RBM7: variants seen among roughly 807,000 people sequenced by gnomAD.
RBM7 encodes the protein RNA-binding protein 7.
RBM7 carries 13 observed loss-of-function variants against 31.0 expected under a neutral mutation model. The ratio of observed to expected loss-of-function variants is 0.42; its 90% CI spans 0.27 to 0.67. The LOEUF is 0.67. Ranked by LOEUF, RBM7 falls within the 30% of genes least tolerant of loss-of-function variation. The pLI is 0.24. For missense variants in RBM7, 245 were observed against 326.2 expected (o/e 0.75, Z 1.92); for synonymous variants, 106 against 111.2 (o/e 0.95, Z 0.30).
In RBM7 at chr11:114,409,230, A is replaced by G. The variant is rs1302182455; in HGVS notation, c.*1423A>G. 1.3e-5 allele frequency: 2 copies of G among 152,224 alleles called. No individual in the cohort carries two copies. Among genetic ancestry groups the G allele is most frequent in the Admixed American group, 1.3e-4 (2 of 15,284 alleles). The allele number at this position is 152,224 out of a possible 1,614,324, so 9.4% of individuals were successfully genotyped here. A position where few individuals can be genotyped will look rare whatever the true frequency, so the allele number is the denominator to read the frequency against. On this transcript the variant is annotated 3_prime_UTR_variant, in exon 5 of 5. Coordinates refer to ENST00000375490, the MANE Select transcript of RBM7 (RefSeq NM_001286045.2). ...AAATGTAGCTATTCAACTACTCACT[A>G]TAGAATTAAGATAAACAATTTGTTT...
At chr11:114,403,193 G>A (rs1946227213) in intron 3 of RBM7, among the ~76,000 whole-genome samples, 1 of 152,158 alleles carries the variant, frequency 6.6e-6, no homozygotes, top group Non-Finnish European at 1.5e-5. Flanking sequence ...TATGTGTACA[G>A]TACATGTATA....
intron 3 of RBM7, 139 bp downstream of exon 3, chr11:114,403,054 T>C: frequency 1.3e-6 from 1 of 742,598 alleles, no homozygotes; most frequent in South Asian, 1.7e-5. Context: ...TTTGGGGTTG[T>C]TGTTATGTAT....
chr11:114,407,713 T>C lies in RBM7; in HGVS notation c.710T>C (p.Phe237Ser). 1 of 1,614,048 alleles carries C rather than the reference T, an allele frequency of 6.2e-7. No homozygotes were observed. Among genetic ancestry groups the C allele is most frequent in the Non-Finnish European group, 8.5e-7 (1 of 1,179,942 alleles). The change falls in exon 5 of 5, where the codon TTC becomes TCC. Residue 237 changes from phenylalanine to serine, a missense_variant. By Grantham distance (155) the Phe-to-Ser change is radical. Transcript: ENST00000375490. ...HHYRGKRDDFFYEDRNHDDWS... is the reference protein window; with the variant it reads ...HHYRGKRDDFSYEDRNHDDWS... ...TACAGAGGAAAGAGAGATGATTTCTTCTATGAAGACAGGAATCATGATGAC... is the reference window on the plus strand; with the variant it reads ...TACAGAGGAAAGAGAGATGATTTCTCCTATGAAGACAGGAATCATGATGAC...
At chr11:114,402,994 G>A (rs1017513493) in intron 3 of RBM7, 79 bp downstream of exon 3, 2 of 1,172,806 alleles carry the variant, frequency 1.7e-6, no homozygotes, top group Non-Finnish European at 2.5e-6. Context: ...TGAGTAAATA[G>A]TCTCCTTCAT....
intron 3 of RBM7, 137 bp from the exon 4 acceptor site, chr11:114,405,569 A>G: frequency 2.1e-6 from 1 of 467,564 alleles, no homozygotes; most frequent in East Asian, 3.5e-5. Flanking sequence ...TGTTGTCTGT[A>G]TTCTTATTCT....
chr11:114,404,646 T>C (rs1946242319), intron 3 of RBM7, among the ~76,000 whole-genome samples: 1 of 151,732 alleles, frequency 6.6e-6, no homozygotes, highest in African/African-American at 2.4e-5. Flanking sequence ...GGGACTAGCC[T>C]AGGCAACATA....
Position 114,400,727 on chromosome 11 carries a change from C to G in RBM7, c.56C>G (p.Thr19Arg). 6.2e-7 allele frequency: 1 copy of G among 1,614,230 alleles called. No individual in the cohort carries two copies. Among genetic ancestry groups the G allele is most frequent in the Non-Finnish European group, 8.5e-7 (1 of 1,180,050 alleles). The change falls in exon 1 of 5, where the codon ACG (threonine) becomes AGG (arginine). Residue 19 changes from threonine (T) to arginine (R), a missense_variant. By Grantham distance (71) the Thr-to-Arg change is moderately conservative (BLOSUM62 -1). Coordinates refer to ENST00000375490, the MANE Select transcript of RBM7 (RefSeq NM_001286045.2). ...DRTLFVGNLE[T>R]KVTEELLFEL... ...ACTCTCTTTGTGGGCAACCTTGAAA[C>G]GAAAGTGACCGAGGAGCTCCTTTTC... is the stretch of plus-strand genomic sequence containing the variant.
rs1946314654 is a variant in RBM7 at position 114,409,781 on chromosome 11, A to G, written c.*1974A>G. On this transcript the variant is annotated 3_prime_UTR_variant, in exon 5 of 5. Transcript: ENST00000375490. ...ATGGCTTTTTGAGGGAAGCTTGTGA[A>G]GTTCTGGTGAATCTTCTTTTTCACT... 6.6e-6 allele frequency: 1 copy of G among 152,222 alleles called. No individual in the cohort carries two copies. Among genetic ancestry groups the G allele is most frequent in the African/African-American group, 2.4e-5 (1 of 41,456 alleles). The allele number at this position is 152,222 out of a possible 1,614,324, so 9.4% of individuals were successfully genotyped here.
At position 114,405,773 on chromosome 11, in the gene RBM7, C is replaced by T; in HGVS notation, c.415C>T (p.Pro139Ser). The part of the protein sequence containing the change: ...AQIIQRSFSS[P>S]ENFQRQAVMN... ...GATAATTCAGAGATCTTTCTCTTCT[C>T]CAGAAAATTTTCAGAGACAAGCAGT... The change falls in exon 4 of 5, where the codon CCA (proline) becomes TCA (serine). Residue 139 changes from proline (P) to serine (S), a missense_variant. By Grantham distance (74) the Pro-to-Ser change is moderately conservative (BLOSUM62 -1). Transcript: ENST00000375490. 3 of 1,605,356 alleles carry T rather than the reference C, an allele frequency of 1.9e-6. No homozygotes were observed. Among genetic ancestry groups the T allele is most frequent in the Non-Finnish European group, 1.7e-6 (2 of 1,175,544 alleles).
At chr11:114,404,374 G>T (rs891391588) in intron 3 of RBM7, among the ~76,000 whole-genome samples, 2 of 152,228 alleles carry the variant, frequency 1.3e-5, no homozygotes, top group Non-Finnish European at 2.9e-5. Context: ...GCCAGCAATA[G>T]TGCAAAAAGT....
Position 114,410,080 on chromosome 11 carries a change from T to C in RBM7, c.*2273T>C, listed in dbSNP as rs1166554422. On this transcript the variant is annotated 3_prime_UTR_variant, in exon 5 of 5. Transcript: ENST00000375490. ...CTGTATTGGCACTCAAAAAGTTTCA[T>C]ATTTTGGAGCATTTCAGATTTCAGA... 1.3e-5 allele frequency: 2 copies of C among 152,218 alleles called. No individual in the cohort carries two copies. Among genetic ancestry groups the C allele is most frequent in the Admixed American group, 6.5e-5 (1 of 15,288 alleles). The allele number at this position is 152,218 out of a possible 1,614,324, so 9.4% of individuals were successfully genotyped here.
Position 114,402,904 on chromosome 11 carries a change from A to G in RBM7, c.336A>G (p.Thr112=), listed in dbSNP as rs777535187. The G allele has an allele frequency of 2.5e-6, 4 of 1,605,828 alleles. No homozygotes were observed. Among genetic ancestry groups the G allele is most frequent in the Admixed American group, 1.7e-5 (1 of 59,998 alleles). Reference sequence around the variant, plus strand: ...TTGGAAATTCAAGCCCTACCTCCACATCTCCTAGCAGGTAATATTTCTCAC... The same window carrying G: ...TTGGAAATTCAAGCCCTACCTCCACGTCTCCTAGCAGGTAATATTTCTCAC... ...HHVGNSSPTS[T]SPSSRYERTM... The change falls in exon 3 of 5, where the codon ACA becomes ACG. Residue 112 remains threonine (T), a synonymous_variant. Coordinates refer to ENST00000375490, the MANE Select transcript of RBM7 (RefSeq NM_001286045.2).
In RBM7 at chr11:114,408,267, G is replaced by A. The variant is rs1003923451; in HGVS notation, c.*460G>A. On this transcript the variant is annotated 3_prime_UTR_variant, in exon 5 of 5. Transcript: ENST00000375490. ...ACATTCTATTTGAGAAGGCTTATTG[G>A]TAAAGTTTGGGGATAAAGGCATTGC... 2 of 153,220 alleles carry A rather than the reference G, an allele frequency of 1.3e-5. No homozygotes were observed. The highest frequency in any genetic ancestry group is 2.9e-5 in the Non-Finnish European group (2 of 68,422). The allele number at this position is 153,220 out of a possible 1,614,324, so 9.5% of individuals were successfully genotyped here. A position where few individuals can be genotyped will look rare whatever the true frequency, so the allele number is the denominator to read the frequency against.
At position 114,407,868 on chromosome 11, in the gene RBM7, T is replaced by C. The variant is rs1461230576; in HGVS notation, c.*61T>C. ...TTTAGGCCCTTTGACTAAGTTGATA[T>C]GGAAATATTTTGTTGAAAAACTGTA... On this transcript the variant is annotated 3_prime_UTR_variant, in exon 5 of 5. Coordinates refer to ENST00000375490, the MANE Select transcript of RBM7 (RefSeq NM_001286045.2). 6.7e-7 allele frequency: 1 copy of C among 1,492,738 alleles called. No individual in the cohort carries two copies. Among genetic ancestry groups the C allele is most frequent in the Non-Finnish European group, 8.9e-7 (1 of 1,123,534 alleles). 92.5% of individuals were successfully genotyped at this position (1,492,738 alleles called of 1,614,324 possible).
At chr11:114,402,382 C>CTTTT (rs71063570) in intron 2 of RBM7, among the ~76,000 whole-genome samples, 2 of 50,162 alleles carry the variant, frequency 4.0e-5, no homozygotes, top group Non-Finnish European at 7.8e-5. Flanking sequence ...GCTTGAGATT[C>CTTTT]TTTTTTTTTT....
chr11:114,401,684 C>T lies in RBM7; in HGVS notation c.97-14C>T. The stretch of plus-strand genomic sequence containing the variant: ...GTTGCTTTATTTAAATTCTAAACAC[C>T]TTTTTGTTTGTAGGCTGGGCCAGTA... On this transcript the variant is annotated splice_polypyrimidine_tract_variant and intron_variant, in intron 1 of 4. Transcript: ENST00000375490. 2 of 1,479,708 alleles carry T rather than the reference C, an allele frequency of 1.4e-6. No individual in the cohort carries two copies. The highest frequency in any genetic ancestry group is 9.0e-7 in the Non-Finnish European group (1 of 1,117,306). The allele number at this position is 1,479,708 out of a possible 1,614,324, so 91.7% of individuals were successfully genotyped here.
At chr11:114,404,505 A>G (rs1946240527) in intron 3 of RBM7, among the ~76,000 whole-genome samples, 1 of 152,184 alleles carries the variant, frequency 6.6e-6, no homozygotes, top group African/African-American at 2.4e-5. Context: ...AAGGCATCCT[A>G]GGTAGAGGAA....
chr11:114,407,038 CCT>C, intron 4 of RBM7: 1 of 161,352 alleles, frequency 6.2e-6, no homozygotes, highest in East Asian at 1.8e-4. Context: ...TCTGTGTTTC[CCT>C]GTTATTTTTG....
chr11:114,402,545 A>G (rs549045125), intron 2 of RBM7, among the ~76,000 whole-genome samples: 238 of 151,500 alleles, frequency 1.6e-3, no homozygotes, highest in African/African-American at 5.4e-3. Context: ...CTGGGATTAC[A>G]GGTGCACGCC....
Sources: allele counts gnomAD v4.1 joint callset (sites outside exome capture counted in the v4.1 genomes callset), GRCh38; gene constraint gnomAD v4.1.1; transcripts MANE v1.5; gene names NCBI Gene and HGNC (gene_info 2026-07-23, HGNC 2026-07-21).